MICU3: variants seen among roughly 807,000 people sequenced by gnomAD.
The protein encoded by MICU3 is calcium uptake protein 3, mitochondrial.
In MICU3, 62 loss-of-function variants were observed where a neutral mutation model predicts 66.5. That is an observed-to-expected ratio of 0.93 (90% confidence interval 0.76 to 1.15). MICU3 has a LOEUF of 1.15. MICU3 is among the 50% of genes most tolerant of loss of function. The pLI is 0.00. For synonymous variants in MICU3, 308 were observed against 240.7 expected (o/e 1.28, Z -2.59); for missense variants, 779 against 664.4 (o/e 1.17, Z -1.90).
chr8:17,038,964 A>T (rs187958956), intron 1 of MICU3, among the ~76,000 whole-genome samples: 42,478 of 150,150 alleles, frequency 0.28, 7,093 homozygotes, highest in East Asian at 0.58. Flanking sequence ...AAAAAAAAAA[A>T]AAATAAATAA....
intron 4 of MICU3, among the ~76,000 whole-genome samples, chr8:17,078,072 T>A (rs1043040592): frequency 1.4e-4 from 21 of 152,006 alleles, no homozygotes; most frequent in Non-Finnish European, 2.8e-4. Context: ...GTGGTTTTCA[T>A]GTTATTGTTT....
intron 1 of MICU3, among the ~76,000 whole-genome samples, chr8:17,030,625 A>G (rs1450169206): frequency 2.0e-5 from 3 of 152,192 alleles, no homozygotes; most frequent in Non-Finnish European, 4.4e-5. Context: ...TAGAGATGGG[A>G]GGTGTAGTAG....
chr8:17,077,511 T>G (rs2150706077), intron 3 of MICU3, among the ~76,000 whole-genome samples: 1 of 152,340 alleles, frequency 6.6e-6, no homozygotes, highest in Non-Finnish European at 1.5e-5. Flanking sequence ...TTTGGTTGTC[T>G]TATGTATAAC....
chr8:17,027,585 C>G lies in MICU3; in HGVS notation c.306C>G (p.Ser102Arg). The G allele has an allele frequency of 7.7e-7, 1 of 1,293,258 alleles. No homozygotes were observed. The allele number at this position is 1,293,258 out of a possible 1,614,324, so 80.1% of individuals were successfully genotyped here. A position where few individuals can be genotyped will look rare whatever the true frequency, so the allele number is the denominator to read the frequency against. ...GSPATGRPSK[S>R]AATEPEDPPR... ...CGGCGACCGGGCGACCCTCAAAGAG[C>G]GCGGCCACGGAGCCCGAGGACCCGC... is the stretch of plus-strand genomic sequence containing the variant. The change falls in exon 1 of 15, where the codon AGC (serine) becomes AGG (arginine). Residue 102 changes from serine to arginine, a missense_variant. Transcript: ENST00000318063.
Position 17,121,148 on chromosome 8 carries a change from G to T in MICU3, c.*861G>T, listed in dbSNP as rs999508044. On this transcript the variant is annotated 3_prime_UTR_variant, in exon 15 of 15. Coordinates refer to ENST00000318063, the MANE Select transcript of MICU3 (RefSeq NM_181723.3). The stretch of plus-strand genomic sequence containing the variant: ...CGTTAATAACACTAGTAAAAATAAC[G>T]TCTTACACTCTGTAACTTACTGCAT... The T allele has an allele frequency of 2.0e-5, 3 of 151,676 alleles. No individual in the cohort carries two copies. The highest frequency in any genetic ancestry group is 6.6e-5 in the Admixed American group (1 of 15,214). 9.4% of individuals were successfully genotyped at this position (151,676 alleles called of 1,614,324 possible).
At chr8:17,125,304 T>C (rs561428553), downstream of MICU3, among the ~76,000 whole-genome samples, 7 of 152,254 alleles carry the variant, frequency 4.6e-5, 1 homozygote, top group African/African-American at 1.7e-4. Context: ...CCCATTCTTG[T>C]TTCATCTATT....
intron 5 of MICU3, among the ~76,000 whole-genome samples, chr8:17,084,151 T>C (rs1821603147): frequency 6.6e-6 from 1 of 152,120 alleles, no homozygotes; most frequent in African/African-American, 2.4e-5. Context: ...ATAATCTTGG[T>C]TACCTATCTA....
chr8:17,036,281 A>C (rs1047101498), intron 1 of MICU3, among the ~76,000 whole-genome samples: 10 of 152,078 alleles, frequency 6.6e-5, no homozygotes, highest in African/African-American at 2.2e-4. Context: ...GAAGCTGCAG[A>C]TCTTCGCTGT....
chr8:17,107,159 C>T lies in MICU3; in HGVS notation c.1257+1575C>T, dbSNP rs190967696. 1.2e-4 allele frequency among the ~76,000 whole-genome samples: 18 copies of T among 152,030 alleles called. No individual in the cohort carries two copies. The East Asian group carries it at 3.3e-3, about 28-fold the overall frequency. ...ATGGAAATGTATGTTAGTGGAGAGA[C>T]AAACAAGTAAAAAAAGACATACTTT... On this transcript the variant is annotated intron_variant, in intron 11 of 14. Coordinates refer to ENST00000318063, the MANE Select transcript of MICU3 (RefSeq NM_181723.3).
At chr8:17,066,846 C>G (rs1311856202) in intron 2 of MICU3, among the ~76,000 whole-genome samples, 1 of 152,034 alleles carries the variant, frequency 6.6e-6, no homozygotes, top group Non-Finnish European at 1.5e-5. Flanking sequence ...TGTGCCTGGC[C>G]ACAGTTTCAT....
chr8:17,071,859 CAG>C (rs1390325840), intron 3 of MICU3, among the ~76,000 whole-genome samples: 8 of 151,874 alleles, frequency 5.3e-5, no homozygotes, highest in African/African-American at 1.7e-4. Context: ...CAATGCCTAA[CAG>C]AAGATGTACA....
In MICU3 at chr8:17,027,472, G is replaced by C; in HGVS notation, c.193G>C (p.Gly65Arg). The change falls in exon 1 of 15, where the codon GGG (glycine) becomes CGG (arginine). Residue 65 changes from glycine to arginine, a missense_variant. Transcript: ENST00000318063. ...GGCATGGAGGCGGCGGCGGCGCTGG[G>C]GGGAGCTGAGCGTGGCGGCGGCGGC... The part of the protein sequence containing the change: ...EAAWRRRRRW[G>R]ELSVAAAAGG... 3 of 1,291,172 alleles carry C rather than the reference G, an allele frequency of 2.3e-6. No homozygotes were observed. Among genetic ancestry groups the C allele is most frequent in the Non-Finnish European group, 2.9e-6 (3 of 1,024,276 alleles). The allele number at this position is 1,291,172 out of a possible 1,614,324, so 80.0% of individuals were successfully genotyped here. A position where few individuals can be genotyped will look rare whatever the true frequency, so the allele number is the denominator to read the frequency against.
At chr8:17,092,006 T>G (rs1800116803) in intron 8 of MICU3, among the ~76,000 whole-genome samples, 1 of 152,052 alleles carries the variant, frequency 6.6e-6, no homozygotes, top group South Asian at 2.1e-4. Flanking sequence ...GCCTCCCAAG[T>G]AGCTGAGATT....
chr8:17,043,025 C>T (rs573266461), intron 1 of MICU3, among the ~76,000 whole-genome samples: 4 of 146,416 alleles, frequency 2.7e-5, no homozygotes, highest in Non-Finnish European at 4.4e-5. Flanking sequence ...CTGCAAGCTC[C>T]GCCTCTTGGG....
At chr8:17,128,545 T>G in the MICU3 span, among the ~76,000 whole-genome samples, 1 of 152,220 alleles carries the variant, frequency 6.6e-6, no homozygotes, top group Non-Finnish European at 1.5e-5. Flanking sequence ...ATAGAATTTC[T>G]AGAAATAAGC....
chr8:17,087,094 T>C, intron 7 of MICU3, 59 bp downstream of exon 7: 5 of 1,109,500 alleles, frequency 4.5e-6, no homozygotes, highest in South Asian at 2.8e-5. Flanking sequence ...ATTTTATTCA[T>C]GTTAAGAAAC....
the MICU3 span, among the ~76,000 whole-genome samples, chr8:17,135,123 AGGCG>A: frequency 4.7e-3 from 722 of 152,272 alleles, 3 homozygotes; most frequent in Non-Finnish European, 7.6e-3. Flanking sequence ...ACATTTGGCC[AGGCG>A]CAGTGGCTCA....
At chr8:17,041,932 A>G (rs1814188924) in intron 1 of MICU3, among the ~76,000 whole-genome samples, 1 of 152,194 alleles carries the variant, frequency 6.6e-6, no homozygotes, top group Admixed American at 6.5e-5. Context: ...TAACTATGAT[A>G]GAGGTTTGGG....
At chr8:17,126,870 G>T (rs1291587070), downstream of MICU3, among the ~76,000 whole-genome samples, 1 of 152,118 alleles carries the variant, frequency 6.6e-6, no homozygotes, top group Non-Finnish European at 1.5e-5. Context: ...ACATCAGGGG[G>T]AATCAGTTAC....
Sources: gnomAD v4.1 joint callset for allele counts (sites outside exome capture counted in the v4.1 genomes callset) on GRCh38, gnomAD v4.1.1 for gene constraint, MANE v1.5 for transcripts, NCBI Gene and HGNC (gene_info 2026-07-23, HGNC 2026-07-21) for gene names.